The following MEIS2 variants were observed in gnomAD, a reference collection of about 807,000 sequenced individuals.
MEIS2 encodes the protein Meis homeobox 2, also known as homeobox protein Meis2.
MEIS2 carries 9 observed loss-of-function variants against 58.6 expected under a neutral mutation model. The ratio of observed to expected loss-of-function variants is 0.15; its 90% CI spans 0.09 to 0.27. The LOEUF is 0.27. Among genes scored for constraint, MEIS2 ranks in the 10% least tolerant of loss-of-function variants. The pLI is 1.00. For synonymous variants in MEIS2, 221 were observed against 228.4 expected (o/e 0.97, Z 0.29); for missense variants, 427 against 635.0 (o/e 0.67, Z 3.52).
intron 9 of MEIS2, among the ~76,000 whole-genome samples, chr15:36,907,774 A>G (rs2056812786): frequency 6.6e-6 from 1 of 152,236 alleles, no homozygotes. Flanking sequence ...AACCCAAAAT[A>G]TGAAAAAATG....
intron 8 of MEIS2, among the ~76,000 whole-genome samples, chr15:36,972,149 G>C (rs1202574981): frequency 6.6e-6 from 1 of 152,072 alleles, no homozygotes. Context: ...CCGTTATGCT[G>C]TCAATAAAAA....
chr15:36,972,986 T>A (rs1368069713), intron 8 of MEIS2: 2 of 152,208 alleles, frequency 1.3e-5, no homozygotes, highest in Non-Finnish European at 2.9e-5. Context: ...CTAGAATTAG[T>A]CTGTGTTTGC....
chr15:37,060,620 A>T (rs548487541), intron 7 of MEIS2, among the ~76,000 whole-genome samples: 1 of 152,310 alleles, frequency 6.6e-6, no homozygotes, highest in East Asian at 1.9e-4. Context: ...AAAAAACTAC[A>T]TGAGAGAAGA....
intron 8 of MEIS2, among the ~76,000 whole-genome samples, chr15:36,959,138 C>T (rs1044129051): frequency 7.9e-5 from 12 of 152,176 alleles, no homozygotes; most frequent in African/African-American, 2.4e-4. Context: ...GGCCAAACCT[C>T]GCTGGCTTTC....
chr15:37,061,908 G>A (rs897356303), intron 7 of MEIS2, among the ~76,000 whole-genome samples: 1 of 151,888 alleles, frequency 6.6e-6, no homozygotes, highest in Non-Finnish European at 1.5e-5. Context: ...TTTGAAAAAA[G>A]CAAGCAGGAT....
intron 7 of MEIS2, among the ~76,000 whole-genome samples, chr15:37,062,665 A>T (rs893059558): frequency 1.3e-5 from 2 of 152,228 alleles, no homozygotes; most frequent in Non-Finnish European, 2.9e-5. Flanking sequence ...TCCTTCACAA[A>T]TTCTAATTTT....
rs554805250 is a variant in MEIS2, at chr15:37,091,283, C to A, written c.639+2298G>T. ...ACAAAAGTCTCAAAAATGGTGAAAA[C>A]TCTCCAAGGTTTTCTCTCATGTCCC... On this transcript the variant is annotated intron_variant, in intron 6 of 11. Coordinates refer to ENST00000561208, the MANE Select transcript of MEIS2 (RefSeq NM_170675.5). Among the ~76,000 whole-genome samples, 3 of 152,278 alleles carry A rather than the reference C, an allele frequency of 2.0e-5. No individual in the cohort carries two copies. The South Asian group carries it at 6.2e-4, about 32-fold the overall frequency.
chr15:36,990,394 C>A (rs2060233581), intron 8 of MEIS2, among the ~76,000 whole-genome samples: 1 of 151,778 alleles, frequency 6.6e-6, no homozygotes, highest in Admixed American at 6.6e-5. Flanking sequence ...GCCAATAGAG[C>A]TAGTGTGGAA....
intron 8 of MEIS2, among the ~76,000 whole-genome samples, chr15:36,953,511 G>C (rs1463023806): frequency 6.6e-6 from 1 of 152,136 alleles, no homozygotes; most frequent in African/African-American, 2.4e-5. Flanking sequence ...TAGTCCAGTG[G>C]CCCAGAGGTG....
chr15:37,077,780 C>T (rs558673834), intron 7 of MEIS2, among the ~76,000 whole-genome samples: 1 of 151,880 alleles, frequency 6.6e-6, no homozygotes, highest in Admixed American at 6.6e-5. Context: ...GTTTTTTAAT[C>T]CAGAGTATTG....
intron 8 of MEIS2, among the ~76,000 whole-genome samples, chr15:37,028,834 C>T (rs1353877616): frequency 6.6e-6 from 1 of 152,130 alleles, no homozygotes; most frequent in East Asian, 1.9e-4. Context: ...AAGGACATGA[C>T]GGATGTGCCA....
At chr15:36,995,787 T>C (rs1461395958) in intron 8 of MEIS2, among the ~76,000 whole-genome samples, 1 of 102,716 alleles carries the variant, frequency 9.7e-6, no homozygotes, top group Non-Finnish European at 2.2e-5. Flanking sequence ...TAGAGGTAAG[T>C]AGCACTCAGA....
intron 7 of MEIS2, among the ~76,000 whole-genome samples, chr15:37,065,008 G>C (rs1889727428): frequency 1.3e-5 from 2 of 152,132 alleles, no homozygotes; most frequent in African/African-American, 4.8e-5. Context: ...ACGTGATTTT[G>C]AAATTATGCT....
At chr15:37,035,549 C>T (rs1031825638) in intron 8 of MEIS2, among the ~76,000 whole-genome samples, 3 of 152,126 alleles carry the variant, frequency 2.0e-5, no homozygotes, top group Non-Finnish European at 2.9e-5. Flanking sequence ...TCCTCTGAGC[C>T]GAGTCAGTGC....
chr15:36,899,758 AG>A (rs1244929861), intron 9 of MEIS2, among the ~76,000 whole-genome samples: 3 of 152,330 alleles, frequency 2.0e-5, no homozygotes, highest in African/African-American at 4.8e-5. Context: ...AAGACTCAAA[AG>A]GTTCCATGGA....
At chr15:37,064,385 AT>A (rs1422467872) in intron 7 of MEIS2, among the ~76,000 whole-genome samples, 3 of 152,074 alleles carry the variant, frequency 2.0e-5, no homozygotes, top group Non-Finnish European at 4.4e-5. Context: ...CAACGTAAAT[AT>A]GTAGTAATAT....
intron 8 of MEIS2, among the ~76,000 whole-genome samples, chr15:37,018,218 C>T (rs2061413487): frequency 6.6e-6 from 1 of 152,170 alleles, no homozygotes; most frequent in African/African-American, 2.4e-5. Flanking sequence ...AATAAAAAAT[C>T]CATATGCTCA....
chr15:37,094,404 G>A lies in MEIS2; in HGVS notation c.489+123C>T, dbSNP rs115403811. The A allele has an allele frequency of 5.4e-3, 4,804 of 894,944 alleles. 146 individuals are homozygous for A. In the African/African-American group the frequency reaches 0.066, roughly 12 times the overall value. The allele number at this position is 894,944 out of a possible 1,614,324, so 55.4% of individuals were successfully genotyped here. A position where few individuals can be genotyped will look rare whatever the true frequency, so the allele number is the denominator to read the frequency against. ...GAGAAGCGAGTTGAAGGATGGACAT[G>A]GTTACATGCTCAAAATCTCCAGGTG... On this transcript the variant is annotated intron_variant, in intron 5 of 11. Transcript: ENST00000561208.
intron 8 of MEIS2, among the ~76,000 whole-genome samples, chr15:36,956,021 CAAAA>C (rs757524401): frequency 9.0e-4 from 42 of 46,600 alleles, no homozygotes; most frequent in African/African-American, 3.0e-3. Context: ...ACTAAAAATA[CAAAA>C]AAAAAAAAAA....
Sources: allele counts gnomAD v4.1 joint callset (sites outside exome capture counted in the v4.1 genomes callset), GRCh38; gene constraint gnomAD v4.1.1; transcripts MANE v1.5; gene names NCBI Gene and HGNC (gene_info 2026-07-23, HGNC 2026-07-21).